MERTK: variants seen among roughly 807,000 people sequenced by gnomAD.
The protein encoded by MERTK is tyrosine-protein kinase Mer.
Under a neutral mutation model 99.3 loss-of-function variants are expected in MERTK, and 69 were observed. The ratio of observed to expected loss-of-function variants is 0.70; its 90% CI spans 0.57 to 0.85. MERTK has a LOEUF of 0.85. MERTK is among the 40% of genes least tolerant of loss of function. The pLI is 0.00. For synonymous variants in MERTK, 426 were observed against 467.6 expected (o/e 0.91, Z 1.15); for missense variants, 1,125 against 1,249.4 (o/e 0.90, Z 1.50).
At chr2:111,979,126 C>T (rs1159288446) in intron 7 of MERTK, among the ~76,000 whole-genome samples, 4 of 152,190 alleles carry the variant, frequency 2.6e-5, no homozygotes, top group Non-Finnish European at 1.5e-5. Flanking sequence ...CTGGTGCCTT[C>T]TCCTGGGTAT....
intron 2 of MERTK, among the ~76,000 whole-genome samples, chr2:111,936,061 C>T (rs1042982151): frequency 1.3e-5 from 2 of 151,974 alleles, no homozygotes; most frequent in African/African-American, 2.4e-5. Context: ...GGAGTACAGG[C>T]GCCCGCCACC....
intron 8 of MERTK, among the ~76,000 whole-genome samples, chr2:111,985,399 T>C (rs1318758668): frequency 6.6e-6 from 1 of 152,122 alleles, no homozygotes; most frequent in African/African-American, 2.4e-5. Context: ...AGAACATCCG[T>C]GGAAGGGCAG....
intron 2 of MERTK, among the ~76,000 whole-genome samples, chr2:111,934,793 A>G (rs763154960): frequency 2.0e-5 from 3 of 152,192 alleles, no homozygotes; most frequent in Non-Finnish European, 4.4e-5. Flanking sequence ...GTCTTTGCCC[A>G]TGCCTATGTC....
In MERTK at chr2:111,914,048, A is replaced by T. The variant is rs564114770; in HGVS notation, c.62-15072A>T. 1.7e-4 allele frequency among the ~76,000 whole-genome samples: 23 copies of T among 136,622 alleles called. No individual in the cohort carries two copies. In the South Asian group the frequency reaches 1.9e-3, roughly 12 times the overall value. 89.6% of individuals were successfully genotyped at this position (136,622 alleles called of 152,430 possible). The stretch of plus-strand genomic sequence containing the variant: ...TGTTCCCATCCATTTTTTTTTTCAG[A>T]TCTTTATTAAGTTGAGGATGTGCCC... On this transcript the variant is annotated intron_variant, in intron 1 of 18. Coordinates refer to ENST00000295408, the MANE Select transcript of MERTK (RefSeq NM_006343.3).
intron 4 of MERTK, among the ~76,000 whole-genome samples, chr2:111,957,651 T>G (rs1685175049): frequency 6.6e-6 from 1 of 152,186 alleles, no homozygotes; most frequent in Non-Finnish European, 1.5e-5. Flanking sequence ...GATCTTGGTT[T>G]TATTCATGGA....
At chr2:111,947,827 C>A (rs529391538) in intron 4 of MERTK, among the ~76,000 whole-genome samples, 194 of 152,204 alleles carry the variant, frequency 1.3e-3, no homozygotes, top group Non-Finnish European at 2.2e-3. Context: ...AATCCCTGAG[C>A]CCAGGCAGCA....
chr2:111,950,993 A>T (rs1005489257), intron 4 of MERTK, among the ~76,000 whole-genome samples: 11 of 151,616 alleles, frequency 7.3e-5, no homozygotes, highest in Non-Finnish European at 1.3e-4. Flanking sequence ...CATTTGTTAA[A>T]TTTTTTTTTA....
intron 8 of MERTK, among the ~76,000 whole-genome samples, chr2:111,986,837 A>G (rs1676487358): frequency 6.6e-6 from 1 of 152,216 alleles, no homozygotes; most frequent in Non-Finnish European, 1.5e-5. Context: ...GACCACAAAG[A>G]CACAGTGGCT....
chr2:111,914,314 G>C, intron 1 of MERTK, among the ~76,000 whole-genome samples: 1 of 151,994 alleles, frequency 6.6e-6, no homozygotes, highest in East Asian at 1.9e-4. Context: ...GTCTTGCTCT[G>C]TGGCCCAGGC....
intron 15 of MERTK, among the ~76,000 whole-genome samples, chr2:112,017,046 A>G (rs767763144): frequency 6.6e-6 from 1 of 152,208 alleles, no homozygotes; most frequent in Non-Finnish European, 1.5e-5. Context: ...CAAAGCTTCT[A>G]CAGTGTGGAA....
intron 9 of MERTK, chr2:111,995,346 A>C (rs910245039): frequency 1.1e-5 from 2 of 184,436 alleles, no homozygotes; most frequent in Non-Finnish European, 2.3e-5. Flanking sequence ...CCTTTGTTTG[A>C]CTCTCACCTG....
Position 112,003,074 on chromosome 2 carries a change from A to T in MERTK, c.1691-18A>T, listed in dbSNP as rs749347912. Reference sequence around the variant, plus strand: ...CACGCTGACAATTTTTGTACATACTATGTTACTCCTTTTTCAGTACATAGC... The same window carrying T: ...CACGCTGACAATTTTTGTACATACTTTGTTACTCCTTTTTCAGTACATAGC... On this transcript the variant is annotated intron_variant, in intron 11 of 18. Coordinates refer to ENST00000295408, the MANE Select transcript of MERTK (RefSeq NM_006343.3). 8.4e-7 allele frequency: 1 copy of T among 1,183,502 alleles called. No individual in the cohort carries two copies. The highest frequency in any genetic ancestry group is 1.2e-5 in the South Asian group (1 of 82,342). The allele number at this position is 1,183,502 out of a possible 1,614,324, so 73.3% of individuals were successfully genotyped here. A position where few individuals can be genotyped will look rare whatever the true frequency, so the allele number is the denominator to read the frequency against.
intron 4 of MERTK, among the ~76,000 whole-genome samples, chr2:111,959,367 T>A (rs1685203699): frequency 6.6e-6 from 1 of 152,174 alleles, no homozygotes; most frequent in African/African-American, 2.4e-5. Flanking sequence ...CTTCCTTGCA[T>A]TACAAAAGAA....
chr2:111,903,182 C>T (rs1684077430), intron 1 of MERTK, among the ~76,000 whole-genome samples: 1 of 152,324 alleles, frequency 6.6e-6, no homozygotes, highest in African/African-American at 2.4e-5. Flanking sequence ...GCATGGAGCT[C>T]ATACGGGTGC....
rs771110902 is a variant in MERTK at position 111,982,934 on chromosome 2, C to T, written c.1237C>T (p.Gln413Ter). The change falls in exon 8 of 19, where the codon CAG (glutamine) becomes TAG (stop). Residue 413 changes from glutamine to a stop codon, truncating the protein, a stop_gained. Coordinates refer to ENST00000295408, the MANE Select transcript of MERTK (RefSeq NM_006343.3). LOFTEE classifies it high-confidence loss of function. The stretch of plus-strand genomic sequence containing the variant: ...ATGGATGAAGCCTCCGACTAAGCAG[C>T]AGGATGGAGAACTGGTGGGCTACCG... ...IRWMKPPTKQQDGELVGYRIS... is the reference protein window; with the variant it reads ...IRWMKPPTKQ 6.2e-7 allele frequency: 1 copy of T among 1,614,116 alleles called. No individual in the cohort carries two copies. Among genetic ancestry groups the T allele is most frequent in the South Asian group, 1.1e-5 (1 of 91,084 alleles).
intron 5 of MERTK, 90 bp from the exon 6 acceptor site, chr2:111,968,046 AG>A: frequency 1.1e-6 from 1 of 893,732 alleles, no homozygotes. Flanking sequence ...GAACGAAAAC[AG>A]GTATTAATGC....
chr2:111,972,795 A>G (rs1676150665), intron 6 of MERTK, among the ~76,000 whole-genome samples: 2 of 152,194 alleles, frequency 1.3e-5, no homozygotes, highest in Non-Finnish European at 2.9e-5. Flanking sequence ...TTTGAAATTC[A>G]AGTTTAACTA....
At position 112,022,442 on chromosome 2, in the gene MERTK, A is replaced by G. The variant is rs139467606; in HGVS notation, c.2486+48A>G. 8.9e-5 allele frequency: 144 copies of G among 1,613,534 alleles called. No homozygotes were observed. The African/African-American group carries it at 1.8e-3, about 20-fold the overall frequency. On this transcript the variant is annotated intron_variant, in intron 18 of 18. Coordinates refer to ENST00000295408, the MANE Select transcript of MERTK (RefSeq NM_006343.3). Reference sequence around the variant, plus strand: ...CTTCCATACTCTGCATGGGGCAGCCACCTGGCTCTGCACTGACCTCGGAAA... The same window carrying G: ...CTTCCATACTCTGCATGGGGCAGCCGCCTGGCTCTGCACTGACCTCGGAAA...
intron 16 of MERTK, 139 bp downstream of exon 16, chr2:112,019,661 T>C (rs1677293285): frequency 2.7e-6 from 2 of 736,406 alleles, no homozygotes; most frequent in Admixed American, 2.0e-5. Flanking sequence ...GCTCCGAAGA[T>C]GGAAATATGG....
Sources: gnomAD v4.1 joint callset for allele counts (sites outside exome capture counted in the v4.1 genomes callset) on GRCh38, gnomAD v4.1.1 for gene constraint, MANE v1.5 for transcripts, NCBI Gene and HGNC (gene_info 2026-07-23, HGNC 2026-07-21) for gene names.